NALCN: variants seen among roughly 807,000 people sequenced by gnomAD.
NALCN encodes sodium leak channel, non-selective, also known as sodium leak channel NALCN.
Under a neutral mutation model 225.3 loss-of-function variants are expected in NALCN, and 111 were observed. The ratio of observed to expected loss-of-function variants is 0.49; its 90% CI spans 0.42 to 0.58. The LOEUF (loss-of-function observed/expected upper bound fraction) is 0.58, where lower values mean the gene tolerates loss of function less well. Ranked by LOEUF, NALCN falls within the 20% of genes least tolerant of loss-of-function variation. The probability of loss-of-function intolerance (pLI) is 0.00; values close to 1 mark genes in which losing one functional copy is unlikely to be tolerated. For synonymous variants in NALCN, 764 were observed against 769.0 expected, an observed-to-expected ratio of 0.99 and a Z score of 0.11; for missense variants, 1,378 against 2,202.4, an observed-to-expected ratio of 0.63 and a Z score of 7.49.
chr13:101,347,140 T>TACACAC (rs56838607), intron 6 of NALCN, among the ~76,000 whole-genome samples: 24,841 of 149,422 alleles, frequency 0.17, 2,052 homozygotes, highest in Middle Eastern at 0.21. Flanking sequence ...TACATAGTTT[T>TACACAC]ACACACACAC....
intron 7 of NALCN, among the ~76,000 whole-genome samples, chr13:101,319,112 T>C (rs908064265): frequency 1.3e-5 from 2 of 152,200 alleles, no homozygotes; most frequent in Admixed American, 6.5e-5. Context: ...GCAGTATATT[T>C]TGCAGAATCT....
At chr13:101,263,906 G>C (rs1396018019) in intron 10 of NALCN, among the ~76,000 whole-genome samples, 1 of 152,200 alleles carries the variant, frequency 6.6e-6, no homozygotes, top group Non-Finnish European at 1.5e-5. Flanking sequence ...TTCAGCCAGT[G>C]CTTGAAACTG....
At chr13:101,140,347 A>C (rs1399819749) in intron 17 of NALCN, among the ~76,000 whole-genome samples, 1 of 152,192 alleles carries the variant, frequency 6.6e-6, no homozygotes, top group Non-Finnish European at 1.5e-5. Context: ...TCCTCACCAA[A>C]TCAAAATACT....
In NALCN at chr13:101,140,624, A is replaced by G. The variant is rs2139776090; in HGVS notation, c.2118+2456T>C. 1.3e-5 allele frequency among the ~76,000 whole-genome samples: 2 copies of G among 152,362 alleles called. 1 individual carries two copies. The highest frequency in any genetic ancestry group is 1.3e-4 in the Admixed American group (2 of 15,310). Reference sequence around the variant, plus strand: ...CTGCTTTCTAGTCCACGCAAACTGCAATTTCAGACTGACTGGCTGAAGCCA... The same window carrying G: ...CTGCTTTCTAGTCCACGCAAACTGCGATTTCAGACTGACTGGCTGAAGCCA... On this transcript the variant is annotated intron_variant, in intron 17 of 43. Transcript: ENST00000251127.
chr13:101,394,731 T>C (rs1422318532), intron 3 of NALCN, among the ~76,000 whole-genome samples: 5 of 152,116 alleles, frequency 3.3e-5, no homozygotes, highest in Admixed American at 3.3e-4. Flanking sequence ...TTTTTTTTTA[T>C]CCTTTTGTAT....
chr13:101,259,732 G>GTGTATATATATATA (rs1555324888), intron 10 of NALCN, among the ~76,000 whole-genome samples: 8 of 119,388 alleles, frequency 6.7e-5, no homozygotes, highest in African/African-American at 1.4e-4. Context: ...CATAGTAAGT[G>GTGTATATATATATA]TATATATATA....
intron 13 of NALCN, among the ~76,000 whole-genome samples, chr13:101,219,665 T>C (rs1383599021): frequency 6.6e-6 from 1 of 152,160 alleles, no homozygotes; most frequent in African/African-American, 2.4e-5. Context: ...TCTGGGAAGT[T>C]TGTGATGAAC....
intron 10 of NALCN, among the ~76,000 whole-genome samples, chr13:101,274,553 T>C (rs1425799357): frequency 6.6e-6 from 1 of 152,226 alleles, no homozygotes; most frequent in East Asian, 1.9e-4. Flanking sequence ...TCCATAAATA[T>C]TAGCTATTAT....
chr13:101,305,035 A>G lies in NALCN; in HGVS notation c.800-12669T>C, dbSNP rs78217949. Among the ~76,000 whole-genome samples the G allele has an allele frequency of 8.3e-3, 1,266 of 152,042 alleles. 15 individuals are homozygous for G. The highest frequency in any genetic ancestry group is 0.018 in the Admixed American group (273 of 15,278). On this transcript the variant is annotated intron_variant, in intron 7 of 43. Transcript: ENST00000251127. ...CTCCCAAAGTGCTGGGATTACAGGC[A>G]TGAGCCACCGCACCCGGCCTGGCCT...
intron 42 of NALCN, 82 bp downstream of exon 42, chr13:101,059,736 A>T: frequency 7.6e-7 from 1 of 1,317,682 alleles, no homozygotes; most frequent in Non-Finnish European, 1.1e-6. Flanking sequence ...GAATGATCTG[A>T]CCAGCACCCA....
chr13:101,129,854 A>G (rs2036429770), intron 17 of NALCN, among the ~76,000 whole-genome samples: 1 of 151,802 alleles, frequency 6.6e-6, no homozygotes, highest in African/African-American at 2.4e-5. Flanking sequence ...TATTTCTCCT[A>G]ATGCTATCCC....
chr13:101,366,820 C>T (rs1475950633), intron 6 of NALCN, among the ~76,000 whole-genome samples: 11 of 152,068 alleles, frequency 7.2e-5, no homozygotes, highest in Non-Finnish European at 1.6e-4. Context: ...ACATATATAA[C>T]GCATTATTAT....
intron 17 of NALCN, among the ~76,000 whole-genome samples, chr13:101,134,260 A>T (rs1236798834): frequency 2.6e-5 from 4 of 152,238 alleles, no homozygotes; most frequent in African/African-American, 9.6e-5. Context: ...TATGTGTAGG[A>T]GTTAAAATAT....
intron 11 of NALCN, among the ~76,000 whole-genome samples, chr13:101,252,028 T>TGTAGAGTCACTA (rs2042076847): frequency 6.6e-6 from 1 of 152,248 alleles, no homozygotes; most frequent in Non-Finnish European, 1.5e-5. Context: ...AAATTGTTCT[T>TGTAGAGTCACTA]AATTTCTTCT....
intron 7 of NALCN, among the ~76,000 whole-genome samples, chr13:101,310,803 G>A (rs551861082): frequency 1.3e-5 from 2 of 152,006 alleles, no homozygotes; most frequent in South Asian, 4.1e-4. Flanking sequence ...TGACCAGGAA[G>A]GAAACTGATA....
intron 41 of NALCN, among the ~76,000 whole-genome samples, chr13:101,061,008 GGAA>G (rs1306066882): frequency 6.6e-6 from 1 of 152,212 alleles, no homozygotes; most frequent in Non-Finnish European, 1.5e-5. Flanking sequence ...GTTGCTCTGA[GGAA>G]GAGGATTGAA....
At chr13:101,350,944 C>A (rs376687804) in intron 6 of NALCN, among the ~76,000 whole-genome samples, 3 of 152,158 alleles carry the variant, frequency 2.0e-5, no homozygotes, top group African/African-American at 7.2e-5. Context: ...TGAGCCAATT[C>A]CTTAAAGTAA....
intron 7 of NALCN, among the ~76,000 whole-genome samples, chr13:101,335,455 A>G (rs79622942): frequency 0.032 from 4,825 of 152,214 alleles, 266 homozygotes; most frequent in African/African-American, 0.11. Flanking sequence ...TTTGGCTAAG[A>G]GTTTTCACAA....
rs1313699521 is a variant in NALCN, at chr13:101,144,808, A to ATT, written c.1926_1927dup (p.Met643LysfsTer3). Reference sequence around the variant, plus strand: ...TGAAGGAAGCTTTGAGATTTTCACCATTTGAGGTCTGTTTGGAAATTTTTC... The same window carrying ATT: ...TGAAGGAAGCTTTGAGATTTTCACCATTTTTGAGGTCTGTTTGGAAATTTTTC... On this transcript the variant is annotated frameshift_variant, in exon 16 of 44. Transcript: ENST00000251127. LOFTEE classifies it high-confidence loss of function. 6.2e-7 allele frequency: 1 copy of ATT among 1,613,648 alleles called. No homozygotes were observed. The highest frequency in any genetic ancestry group is 2.2e-5 in the East Asian group (1 of 44,856).
Sources: gnomAD v4.1 joint callset for allele counts (sites outside exome capture counted in the v4.1 genomes callset) on GRCh38, gnomAD v4.1.1 for gene constraint, MANE v1.5 for transcripts, NCBI Gene and HGNC (gene_info 2026-07-23, HGNC 2026-07-21) for gene names.